The following MACROD2 variants were observed in gnomAD, a reference collection of about 807,000 sequenced individuals.
MACROD2 encodes ADP-ribose glycohydrolase MACROD2.
A neutral mutation model predicts 70.4 loss-of-function variants in MACROD2; 36 were observed. The ratio of observed to expected loss-of-function variants is 0.51; its 90% CI spans 0.39 to 0.68. The LOEUF (loss-of-function observed/expected upper bound fraction) is 0.68. Ranked by LOEUF, MACROD2 falls within the 30% of genes least tolerant of loss-of-function variation. The probability of loss-of-function intolerance (pLI) is 0.00; values close to 1 mark genes in which losing one functional copy is unlikely to be tolerated. For synonymous variants in MACROD2, 172 were observed against 178.8 expected (o/e 0.96, Z 0.30); for missense variants, 496 against 538.4 (o/e 0.92, Z 0.78).
intron 5 of MACROD2, among the ~76,000 whole-genome samples, chr20:14,716,462 G>A (rs533994543): frequency 2.0e-5 from 3 of 152,246 alleles, no homozygotes; most frequent in African/African-American, 4.8e-5. Flanking sequence ...CCCATACTGC[G>A]CTCCAGCCAA....
intron 5 of MACROD2, among the ~76,000 whole-genome samples, chr20:14,924,505 T>C (rs180932924): frequency 2.0e-3 from 301 of 151,602 alleles, no homozygotes; most frequent in African/African-American, 6.9e-3. Flanking sequence ...ACCACAGATA[T>C]AGGAAGTCTA....
intron 5 of MACROD2, among the ~76,000 whole-genome samples, chr20:14,782,094 T>C (rs1019062071): frequency 6.6e-6 from 1 of 151,962 alleles, no homozygotes; most frequent in African/African-American, 2.4e-5. Flanking sequence ...CAGATAATTT[T>C]TGCATTTTTA....
intron 12 of MACROD2, among the ~76,000 whole-genome samples, chr20:15,955,089 G>A (rs1025820865): frequency 6.6e-6 from 1 of 152,198 alleles, no homozygotes; most frequent in Non-Finnish European, 1.5e-5. Flanking sequence ...TCTGTGAAAT[G>A]TGGGTAGAGA....
intron 4 of MACROD2, among the ~76,000 whole-genome samples, chr20:14,645,459 G>A (rs1985335520): frequency 6.6e-6 from 1 of 151,988 alleles, no homozygotes. Context: ...AGACTGGGAA[G>A]TATATAACTA....
At chr20:14,299,398 T>C (rs1191243942) in intron 3 of MACROD2, among the ~76,000 whole-genome samples, 1 of 152,226 alleles carries the variant, frequency 6.6e-6, no homozygotes, top group Admixed American at 6.5e-5. Context: ...TTATATGTAC[T>C]GGGAAACCAG....
chr20:14,651,322 G>T (rs900282068), intron 4 of MACROD2, among the ~76,000 whole-genome samples: 1 of 152,058 alleles, frequency 6.6e-6, no homozygotes, highest in African/African-American at 2.4e-5. Flanking sequence ...TAGTGCATAG[G>T]AACTTACAGA....
At chr20:15,116,448 G>A (rs553254556) in intron 5 of MACROD2, among the ~76,000 whole-genome samples, 7 of 152,204 alleles carry the variant, frequency 4.6e-5, no homozygotes, top group African/African-American at 1.2e-4. Context: ...TTCGACACCA[G>A]CCTGATCAAC....
intron 8 of MACROD2, among the ~76,000 whole-genome samples, chr20:15,698,504 A>T (rs879446322): frequency 1.5e-4 from 23 of 152,144 alleles, no homozygotes; most frequent in Non-Finnish European, 1.5e-4. Context: ...CAGCTCTTAA[A>T]ATTCTTTCCT....
chr20:14,244,946 G>A (rs1348229881), intron 3 of MACROD2, among the ~76,000 whole-genome samples: 2 of 152,130 alleles, frequency 1.3e-5, no homozygotes, highest in South Asian at 4.1e-4. Flanking sequence ...TTTGTTTATT[G>A]AGCCTGATTT....
At chr20:15,031,179 G>C (rs1253643253) in intron 5 of MACROD2, among the ~76,000 whole-genome samples, 1 of 152,220 alleles carries the variant, frequency 6.6e-6, no homozygotes, top group Non-Finnish European at 1.5e-5. Flanking sequence ...TTCCGCTGTG[G>C]ACGTCAGGGA....
intron 5 of MACROD2, among the ~76,000 whole-genome samples, chr20:15,144,776 G>A (rs561409412): frequency 3.9e-5 from 6 of 152,268 alleles, no homozygotes; most frequent in African/African-American, 1.4e-4. Context: ...TGAACCAAAT[G>A]GACACCCCTG....
intron 9 of MACROD2, among the ~76,000 whole-genome samples, chr20:15,869,236 T>G (rs191373469): frequency 0.23 from 7,772 of 33,202 alleles, 641 homozygotes; most frequent in East Asian, 0.39. Context: ...TATATATATA[T>G]ATAGAGAGAG....
intron 5 of MACROD2, among the ~76,000 whole-genome samples, chr20:14,731,437 C>T (rs779252214): frequency 2.6e-5 from 4 of 152,160 alleles, no homozygotes; most frequent in Non-Finnish European, 5.9e-5. Flanking sequence ...CCACATGGTG[C>T]TGACACTCAA....
intron 3 of MACROD2, among the ~76,000 whole-genome samples, chr20:14,360,423 A>G (rs1053916242): frequency 5.9e-5 from 9 of 152,218 alleles, no homozygotes; most frequent in Non-Finnish European, 1.3e-4. Context: ...TTTAAAGGCA[A>G]GAAATGTCTC....
chr20:14,486,514 TTTTTATTTTA>T (rs1459107970), intron 3 of MACROD2, among the ~76,000 whole-genome samples: 1 of 9,022 alleles, frequency 1.1e-4, no homozygotes, highest in Admixed American at 2.1e-3. Flanking sequence ...AATAGCCAAC[TTTTTATTTTA>T]TTTTTTTTTT....
chr20:14,108,115 G>A (rs78596023), intron 3 of MACROD2, among the ~76,000 whole-genome samples: 1 of 151,964 alleles, frequency 6.6e-6, no homozygotes, highest in Admixed American at 6.6e-5. Flanking sequence ...GTTAAAAAGT[G>A]GGGGATGAAG....
intron 5 of MACROD2, among the ~76,000 whole-genome samples, chr20:14,847,242 C>T (rs2073152422): frequency 6.6e-6 from 1 of 152,122 alleles, no homozygotes; most frequent in Non-Finnish European, 1.5e-5. Context: ...AGTTTAGGAA[C>T]GTGCTGCCAT....
chr20:15,797,712 A>G (rs528981640), intron 8 of MACROD2, among the ~76,000 whole-genome samples: 6 of 152,308 alleles, frequency 3.9e-5, no homozygotes, highest in African/African-American at 1.4e-4. Flanking sequence ...TTGCAGCCTT[A>G]AAAATAATCA....
intron 6 of MACROD2, among the ~76,000 whole-genome samples, chr20:15,423,769 T>C (rs1457691737): frequency 6.6e-6 from 1 of 152,084 alleles, no homozygotes; most frequent in African/African-American, 2.4e-5. Flanking sequence ...TTTCAGCGTA[T>C]GGATTTAGGG....
Sources: allele counts gnomAD v4.1 joint callset (sites outside exome capture counted in the v4.1 genomes callset), GRCh38; gene constraint gnomAD v4.1.1; transcripts MANE v1.5; gene names NCBI Gene and HGNC (gene_info 2026-07-23, HGNC 2026-07-21).